UQCRC1: variants seen among roughly 807,000 people sequenced by gnomAD.
UQCRC1 encodes ubiquinol-cytochrome c reductase core protein 1.
UQCRC1 carries 34 observed loss-of-function variants against 58.0 expected under a neutral mutation model. The ratio of observed to expected loss-of-function variants is 0.59; its 90% CI spans 0.45 to 0.78. The LOEUF (loss-of-function observed/expected upper bound fraction) is 0.78. Among genes scored for constraint, UQCRC1 ranks in the 30% least tolerant of loss-of-function variants. The pLI is 0.00. For missense variants in UQCRC1, 610 were observed against 646.0 expected (o/e 0.94, Z 0.60); for synonymous variants, 276 against 248.8 (o/e 1.11, Z -1.03).
At position 48,604,298 on chromosome 3, in the gene UQCRC1, C is replaced by A; in HGVS notation, c.561G>T (p.Leu187=). The change falls in exon 5 of 13, where the codon CTG becomes CTT. Residue 187 remains leucine, a synonymous_variant. Coordinates refer to ENST00000203407, the MANE Select transcript of UQCRC1 (RefSeq NM_003365.3). The stretch of plus-strand genomic sequence containing the variant: ...GTGTGCCCTGGAATGCTGTGGCATG[C>A]AGGTAGTTAAAGACCACATCTCGCA... ...ASMRDVVFNY[L]HATAFQGTPL... is the part of the protein sequence containing the mutation. 1 of 1,613,810 alleles carries A rather than the reference C, an allele frequency of 6.2e-7. No individual in the cohort carries two copies. Among genetic ancestry groups the A allele is most frequent in the Non-Finnish European group, 8.5e-7 (1 of 1,180,046 alleles).
intron 3 of UQCRC1, among the ~76,000 whole-genome samples, chr3:48,605,238 TGGA>T (rs1388303525): frequency 1.3e-5 from 2 of 152,222 alleles, no homozygotes; most frequent in Admixed American, 1.3e-4. Flanking sequence ...GTCCTGTGTG[TGGA>T]GAACAGTGGT....
At chr3:48,599,354 C>G in intron 12 of UQCRC1, 162 bp from the exon 13 acceptor site, 3 of 861,980 alleles carry the variant, frequency 3.5e-6, no homozygotes, top group Non-Finnish European at 5.2e-6. Flanking sequence ...TGAGCCTGTC[C>G]CTTCATGTTC....
Position 48,609,370 on chromosome 3 carries a change from G to A in UQCRC1, c.70-68C>T. On this transcript the variant is annotated intron_variant, in intron 1 of 12. Transcript: ENST00000203407. ...TCGCTCCCCACCTCCCAGGTCCTCA[G>A]GAGGACCCCCGAACCCCGCCCCTAG... is the stretch of plus-strand genomic sequence containing the variant. 2.6e-6 allele frequency: 4 copies of A among 1,557,988 alleles called. No individual in the cohort carries two copies. The South Asian group carries it at 3.5e-5, about 14-fold the overall frequency.
At chr3:48,605,258 T>G (rs1290939271) in intron 3 of UQCRC1, among the ~76,000 whole-genome samples, 1 of 152,192 alleles carries the variant, frequency 6.6e-6, no homozygotes, top group Non-Finnish European at 1.5e-5. Flanking sequence ...TGGTGCTATC[T>G]CTTGGTGTGC....
Position 48,600,537 on chromosome 3 carries a change from A to T in UQCRC1, c.1158T>A (p.Ser386Arg), listed in dbSNP as rs2046354671. Residue 386 changes from serine to arginine, a missense_variant, in exon 10 of 13, where the codon AGT (serine) becomes AGA (arginine). Physicochemically the swap from Ser to Arg is moderately radical, Grantham distance 110 (BLOSUM62 -1). Transcript: ENST00000203407. ...WMRLCTSATE[S>R]EVARGKNILR... Reference sequence around the variant, plus strand: ...GGATGTTTTTGCCCCGGGCCACCTCACTCTCCGTGGCACTGGTACACAGGC... The same window carrying T: ...GGATGTTTTTGCCCCGGGCCACCTCTCTCTCCGTGGCACTGGTACACAGGC... 1.5e-5 allele frequency: 25 copies of T among 1,613,492 alleles called. No homozygotes were observed. Among genetic ancestry groups the T allele is most frequent in the Non-Finnish European group, 2.0e-5 (24 of 1,179,912 alleles).
chr3:48,604,779 C>G lies in UQCRC1; in HGVS notation c.299G>C (p.Gly100Ala). Reference sequence around the variant, plus strand: ...GGCACTGCCAGGCCGATTCTTTGTTCCCTGGAACCAGATATCAACCAGAAC... The same window carrying G: ...GGCACTGCCAGGCCGATTCTTTGTTGCCTGGAACCAGATATCAACCAGAAC... ...GYFLEHLAFK[G>A]TKNRPGSALE... is the part of the protein sequence containing the mutation. Residue 100 changes from glycine (G) to alanine (A), a missense_variant and splice_region_variant, in exon 4 of 13, where the codon GGA (glycine) becomes GCA (alanine). Coordinates refer to ENST00000203407, the MANE Select transcript of UQCRC1 (RefSeq NM_003365.3). The G allele has an allele frequency of 2.5e-6, 4 of 1,614,004 alleles. No individual in the cohort carries two copies. The highest frequency in any genetic ancestry group is 3.4e-6 in the Non-Finnish European group (4 of 1,179,988).
At chr3:48,604,198 G>GC in intron 5 of UQCRC1, 35 bp downstream of exon 5, 1 of 1,608,470 alleles carries the variant, frequency 6.2e-7, no homozygotes, top group Non-Finnish European at 8.5e-7. Context: ...CCAGAATGGA[G>GC]CAAGCATCCC....
intron 7 of UQCRC1, 41 bp from the exon 8 acceptor site, chr3:48,601,159 C>A: frequency 1.3e-6 from 2 of 1,574,958 alleles, no homozygotes; most frequent in Admixed American, 1.7e-5. Context: ...AGCCAGACTG[C>A]CAGGGGAACA....
At chr3:48,602,893 C>T (rs1257874555) in intron 6 of UQCRC1, among the ~76,000 whole-genome samples, 1 of 152,086 alleles carries the variant, frequency 6.6e-6, no homozygotes, top group African/African-American at 2.4e-5. Flanking sequence ...TCTATAAAAC[C>T]ACCTGGAGTC....
chr3:48,604,207 C>A, intron 5 of UQCRC1, 26 bp downstream of exon 5: 1 of 1,609,814 alleles, frequency 6.2e-7, no homozygotes. Flanking sequence ...AGCAAGCATC[C>A]CCCCACAAGG....
intron 2 of UQCRC1, among the ~76,000 whole-genome samples, chr3:48,606,355 TTTG>T (rs2046412773): frequency 2.0e-5 from 3 of 152,338 alleles, no homozygotes; most frequent in East Asian, 1.9e-4. Flanking sequence ...TAATATCTTT[TTTG>T]TTGTTGTTTT....
chr3:48,604,525 C>A, intron 4 of UQCRC1, 94 bp from the exon 5 acceptor site: 1 of 1,580,814 alleles, frequency 6.3e-7, no homozygotes. Flanking sequence ...CTGCTGCCCA[C>A]CCCTAGTTGC....
intron 2 of UQCRC1, among the ~76,000 whole-genome samples, chr3:48,607,015 C>T (rs568853576): frequency 2.0e-5 from 3 of 151,958 alleles, no homozygotes; most frequent in South Asian, 4.2e-4. Flanking sequence ...TGCACCACCA[C>T]GCCCAGCTAA....
chr3:48,600,063 C>T lies in UQCRC1; in HGVS notation c.1302G>A (p.Ala434=), dbSNP rs1282425629. The T allele has an allele frequency of 5.6e-6, 9 of 1,614,000 alleles. No individual in the cohort carries two copies. In the Admixed American group the frequency reaches 6.7e-5, roughly 12 times the overall value. The change falls in exon 11 of 13, where the codon GCG becomes GCA. Residue 434 remains alanine, a splice_region_variant and synonymous_variant. Coordinates refer to ENST00000203407, the MANE Select transcript of UQCRC1 (RefSeq NM_003365.3). The part of the protein sequence containing the change: ...IPLAEWESRI[A]EVDASVVREI... ...AACCTCTCCCAGGGGTCCATGTTAC[C>T]GCAATCCGGCTTTCCCATTCAGCCA...
chr3:48,604,836 T>C (rs2046397527), intron 3 of UQCRC1, 56 bp from the exon 4 acceptor site: 4 of 1,606,416 alleles, frequency 2.5e-6, no homozygotes, highest in Non-Finnish European at 3.4e-6. Flanking sequence ...CCAAGAACCC[T>C]GTCCTCAGAG....
At position 48,605,761 on chromosome 3, in the gene UQCRC1, G is replaced by A. The variant is rs1395011876; in HGVS notation, c.297+9C>T. 6.2e-7 allele frequency: 1 copy of A among 1,613,058 alleles called. No individual in the cohort carries two copies. The highest frequency in any genetic ancestry group is 1.7e-5 in the Admixed American group (1 of 59,844). On this transcript the variant is annotated intron_variant, in intron 3 of 12. Coordinates refer to ENST00000203407, the MANE Select transcript of UQCRC1 (RefSeq NM_003365.3). ...TAAGCCCAGAGGAGACAGACTTTAA[G>A]AGCCTCACCTTGAAAGCCAGATGCT...
chr3:48,606,432 G>A lies in UQCRC1; in HGVS notation c.211-576C>T, dbSNP rs571150525. Reference sequence around the variant, plus strand: ...CCAATAAGGTAATATTAATTTTCTTGACAGCCTCCTGGTTGCTGTGAAACA... The same window carrying A: ...CCAATAAGGTAATATTAATTTTCTTAACAGCCTCCTGGTTGCTGTGAAACA... On this transcript the variant is annotated intron_variant, in intron 2 of 12. Transcript: ENST00000203407. Among the ~76,000 whole-genome samples the A allele has an allele frequency of 2.1e-4, 32 of 152,210 alleles. No individual in the cohort carries two copies. In the East Asian group the frequency reaches 5.8e-3, roughly 28 times the overall value.
chr3:48,599,922 T>C (rs1397322817), intron 11 of UQCRC1, 141 bp downstream of exon 11: 2 of 1,127,828 alleles, frequency 1.8e-6, no homozygotes, highest in African/African-American at 3.1e-5. Flanking sequence ...CCTCCCACTA[T>C]GCTACCCCTG....
rs540446036 is a variant in UQCRC1 at position 48,600,004 on chromosome 3, C to T, written c.1302+59G>A. 10 of 1,603,256 alleles carry T rather than the reference C, an allele frequency of 6.2e-6. No homozygotes were observed. The East Asian group carries it at 6.7e-5, about 11-fold the overall frequency. On this transcript the variant is annotated intron_variant, in intron 11 of 12. Transcript: ENST00000203407. Reference sequence around the variant, plus strand: ...TGCGCTATGCCAGGCCCCAACCCTACACCTCCCAGGTGTCTGCCAGGCCAA... The same window carrying T: ...TGCGCTATGCCAGGCCCCAACCCTATACCTCCCAGGTGTCTGCCAGGCCAA...
Sources: gnomAD v4.1 joint callset for allele counts (sites outside exome capture counted in the v4.1 genomes callset) on GRCh38, gnomAD v4.1.1 for gene constraint, MANE v1.5 for transcripts, NCBI Gene and HGNC (gene_info 2026-07-23, HGNC 2026-07-21) for gene names.